The following TRAF3IP3 variants were observed in gnomAD, a reference collection of about 807,000 sequenced individuals.
The protein encoded by TRAF3IP3 is TRAF3-interacting JNK-activating modulator.
In TRAF3IP3, 64 loss-of-function variants were observed where a neutral mutation model predicts 86.5. The ratio of observed to expected loss-of-function variants is 0.74; its 90% CI spans 0.60 to 0.91. The LOEUF is 0.91. Among genes scored for constraint, TRAF3IP3 ranks in the 40% least tolerant of loss-of-function variants. The pLI is 0.00. For missense variants in TRAF3IP3, 579 were observed against 642.9 expected, an observed-to-expected ratio of 0.90 and a Z score of 1.07; for synonymous variants, 220 against 243.9, an observed-to-expected ratio of 0.90 and a Z score of 0.91.
rs759780904 is a variant in TRAF3IP3 at position 209,760,239 on chromosome 1, G to A, written c.200G>A (p.Arg67Lys). ...AGAGCTCGACTGCAGCAGTTCTTCA[G>A]GAGGAGGAACCTGGAGCTAGAGGAG... ...LQRARLQQFF[R>K]RRNLELEEKG... The change falls in exon 3 of 17, where the codon AGG (arginine) becomes AAG (lysine). Residue 67 changes from arginine (R) to lysine (K), a missense_variant. By Grantham distance (26) the Arg-to-Lys change is conservative. Transcript: ENST00000367025. 9.9e-6 allele frequency: 16 copies of A among 1,614,256 alleles called. No homozygotes were observed. The highest frequency in any genetic ancestry group is 1.4e-5 in the Non-Finnish European group (16 of 1,180,046).
At chr1:209,774,281 G>A (rs912902401) in intron 9 of TRAF3IP3, among the ~76,000 whole-genome samples, 5 of 152,178 alleles carry the variant, frequency 3.3e-5, no homozygotes, top group African/African-American at 7.2e-5. Context: ...AAGTTCATTA[G>A]GCATTGTAAA....
intron 14 of TRAF3IP3, chr1:209,779,694 C>T (rs1258115752): frequency 1.7e-6 from 1 of 595,676 alleles, no homozygotes; most frequent in African/African-American, 1.9e-5. Context: ...TTTTCCAAAT[C>T]ACATCCAACT....
At chr1:209,766,697 C>G (rs2102455446) in intron 8 of TRAF3IP3, among the ~76,000 whole-genome samples, 1 of 152,272 alleles carries the variant, frequency 6.6e-6, no homozygotes, top group South Asian at 2.1e-4. Context: ...AAACCCGTCT[C>G]TACTAAAGAT....
At chr1:209,777,884 T>C (rs2077692383) in intron 12 of TRAF3IP3, 3 of 590,578 alleles carry the variant, frequency 5.1e-6, no homozygotes, top group Non-Finnish European at 3.0e-6. Flanking sequence ...CTAGATAGTG[T>C]GTAAACACAA....
chr1:209,771,909 GTA>G (rs2077546759), intron 8 of TRAF3IP3, among the ~76,000 whole-genome samples: 1 of 137,388 alleles, frequency 7.3e-6, no homozygotes, highest in African/African-American at 2.6e-5. Context: ...AGGTGTGTGT[GTA>G]TATGGAGGTG....
At chr1:209,770,251 TC>T (rs1229405380) in intron 8 of TRAF3IP3, among the ~76,000 whole-genome samples, 5 of 152,248 alleles carry the variant, frequency 3.3e-5, no homozygotes, top group African/African-American at 9.6e-5. Flanking sequence ...TCTCTCCGTT[TC>T]TTGCTTTCTT....
At chr1:209,768,832 A>C (rs948712929) in intron 8 of TRAF3IP3, among the ~76,000 whole-genome samples, 1 of 152,226 alleles carries the variant, frequency 6.6e-6, no homozygotes, top group Non-Finnish European at 1.5e-5. Context: ...GGCTCAGACC[A>C]GGAAACTACA....
intron 6 of TRAF3IP3, 97 bp from the exon 7 acceptor site, chr1:209,763,266 G>A: frequency 6.8e-7 from 1 of 1,469,536 alleles, no homozygotes; most frequent in South Asian, 1.1e-5. Context: ...AAGCAGAAGA[G>A]GTTTGCTCTA....
chr1:209,767,761 T>C (rs1407367712), intron 8 of TRAF3IP3, among the ~76,000 whole-genome samples: 1 of 151,654 alleles, frequency 6.6e-6, no homozygotes, highest in Non-Finnish European at 1.5e-5. Context: ...TTGGGGGAGT[T>C]GAGACTCTTG....
intron 8 of TRAF3IP3, among the ~76,000 whole-genome samples, chr1:209,769,561 G>GT (rs1225158173): frequency 6.6e-6 from 1 of 152,240 alleles, no homozygotes; most frequent in Non-Finnish European, 1.5e-5. Flanking sequence ...AGCTGAAAGG[G>GT]TGGGGGCACC....
chr1:209,764,652 G>A (rs2077306943), intron 8 of TRAF3IP3, among the ~76,000 whole-genome samples: 1 of 151,020 alleles, frequency 6.6e-6, no homozygotes, highest in African/African-American at 2.4e-5. Context: ...GCTGAGGCAG[G>A]AGAATCGCTT....
At chr1:209,764,442 G>A (rs1571918958) in intron 8 of TRAF3IP3, among the ~76,000 whole-genome samples, 1 of 152,132 alleles carries the variant, frequency 6.6e-6, no homozygotes, top group Admixed American at 6.5e-5. Context: ...TGGGGTACAG[G>A]CAAAGGTCTA....
rs759256932 is a variant in TRAF3IP3, at chr1:209,779,300, T to G, written c.1253-15T>G. The G allele has an allele frequency of 3.7e-6, 6 of 1,613,368 alleles. No individual in the cohort carries two copies. The South Asian group carries it at 6.6e-5, about 18-fold the overall frequency. The stretch of plus-strand genomic sequence containing the variant: ...AATATGCTAGCATAGACAAGTTCCT[T>G]GTGTTTTCCAACAGGTTTGCTTCAA... On this transcript the variant is annotated splice_polypyrimidine_tract_variant and intron_variant, in intron 13 of 16. Coordinates refer to ENST00000367025, the MANE Select transcript of TRAF3IP3 (RefSeq NM_025228.4).
At position 209,760,000 on chromosome 1, in the gene TRAF3IP3, G is replaced by A. The variant is rs774888831; in HGVS notation, c.-40G>A. ...TTGGCAGATCCAGGCATCTATTCCA[G>A]GAACTGGAAGCCAAGCGCAACAGGT... is the stretch of plus-strand genomic sequence containing the variant. On this transcript the variant is annotated 5_prime_UTR_variant, in exon 3 of 17. Coordinates refer to ENST00000367025, the MANE Select transcript of TRAF3IP3 (RefSeq NM_025228.4). 1.3e-6 allele frequency: 2 copies of A among 1,554,124 alleles called. No individual in the cohort carries two copies. The highest frequency in any genetic ancestry group is 1.8e-6 in the Non-Finnish European group (2 of 1,131,854).
intron 13 of TRAF3IP3, chr1:209,778,442 C>T (rs2077705768): frequency 4.6e-6 from 2 of 439,246 alleles, no homozygotes; most frequent in Non-Finnish European, 4.0e-6. Context: ...TTTTTAAATA[C>T]TGGGTTTCCT....
chr1:209,780,507 T>C lies in TRAF3IP3; in HGVS notation c.1350T>C (p.Pro450=), dbSNP rs147531510. 8.6e-5 allele frequency: 137 copies of C among 1,601,440 alleles called. No homozygotes were observed. In the African/African-American group the frequency reaches 1.5e-3, roughly 17 times the overall value. ...CCGTGTGGAGTCCAAAGTCCTTCCC[T>C]AACGAAGTGGAGCCTGAGGGTACAG... ...ALPVWSPKSF[P]NEVEPEGTGK... The change falls in exon 15 of 17, where the codon CCT becomes CCC. Residue 450 remains proline (P), a synonymous_variant. Coordinates refer to ENST00000367025, the MANE Select transcript of TRAF3IP3 (RefSeq NM_025228.4).
At chr1:209,777,240 C>T in intron 11 of TRAF3IP3, 112 bp from the exon 12 acceptor site, 1 of 908,674 alleles carries the variant, frequency 1.1e-6, no homozygotes, top group Non-Finnish European at 1.6e-6. Context: ...AACATTCCTT[C>T]TATCTCTAAA....
At chr1:209,778,014 C>A in intron 12 of TRAF3IP3, 97 bp from the exon 13 acceptor site, 1 of 1,079,658 alleles carries the variant, frequency 9.3e-7, no homozygotes, top group Non-Finnish European at 1.4e-6. Context: ...CGTTAAAGAC[C>A]ATGACAAGAC....
At chr1:209,771,080 A>C (rs1196603511) in intron 8 of TRAF3IP3, among the ~76,000 whole-genome samples, 2 of 96,818 alleles carry the variant, frequency 2.1e-5, no homozygotes, top group African/African-American at 4.2e-5. Context: ...GTGCAGGTGG[A>C]GGTGTGTGTG....
Sources: gnomAD v4.1 joint callset for allele counts (sites outside exome capture counted in the v4.1 genomes callset) on GRCh38, gnomAD v4.1.1 for gene constraint, MANE v1.5 for transcripts, NCBI Gene and HGNC (gene_info 2026-07-23, HGNC 2026-07-21) for gene names.